Variants in ZNF18 observed in about 807,000 individuals in gnomAD.
ZNF18 encodes the protein zinc finger protein 18.
Under a neutral mutation model 58.1 loss-of-function variants are expected in ZNF18, and 42 were observed. The observed-to-expected ratio is 0.72, with a 90% CI of 0.56 to 0.93. The LOEUF (loss-of-function observed/expected upper bound fraction) is 0.93. Ranked by LOEUF, ZNF18 falls within the 40% of genes least tolerant of loss-of-function variation. The pLI, the probability that ZNF18 is intolerant of heterozygous loss-of-function variation, is 0.00. For synonymous variants in ZNF18, 231 were observed against 239.8 expected (o/e 0.96, Z 0.34); for missense variants, 540 against 644.2 (o/e 0.84, Z 1.75).
In ZNF18 at chr17:11,992,704, C is replaced by T; in HGVS notation, c.126G>A (p.Gln42=). 2.5e-6 allele frequency: 4 copies of T among 1,614,266 alleles called. No individual in the cohort carries two copies. Among genetic ancestry groups the T allele is most frequent in the Non-Finnish European group, 3.4e-6 (4 of 1,180,054 alleles). The change falls in exon 2 of 7, where the codon CAG becomes CAA. Residue 42 remains glutamine, a synonymous_variant. Coordinates refer to ENST00000580306, the MANE Select transcript of ZNF18 (RefSeq NM_001303281.2). ...CCTGGTAACGGAACTGCCTGAAAAG[C>T]TGGCGTGCGGTCTCAGGGCTGGAGA... ...EELSSPETAR[Q]LFRQFRYQVM...
At chr17:12,015,738 T>C in the ZNF18 span, among the ~76,000 whole-genome samples, 1 of 152,200 alleles carries the variant, frequency 6.6e-6, no homozygotes, top group African/African-American at 2.4e-5. Flanking sequence ...ATCAGCATTA[T>C]GTCCTGTTAA....
chr17:11,986,910 A>G (rs1967784009), intron 4 of ZNF18, among the ~76,000 whole-genome samples: 1 of 152,192 alleles, frequency 6.6e-6, no homozygotes, highest in Non-Finnish European at 1.5e-5. Context: ...TCACTCAAAA[A>G]CCAGAAAAGT....
At chr17:12,015,281 C>T in the ZNF18 span, among the ~76,000 whole-genome samples, 1 of 152,162 alleles carries the variant, frequency 6.6e-6, no homozygotes, top group Non-Finnish European at 1.5e-5. Context: ...TGTGGTCTCA[C>T]ATAAGACCAC....
chr17:12,006,748 G>A, the ZNF18 span, among the ~76,000 whole-genome samples: 1 of 152,060 alleles, frequency 6.6e-6, no homozygotes, highest in South Asian at 2.1e-4. Context: ...TCAAAAAAAA[G>A]AACTGAGCAA....
At chr17:12,007,874 A>G in the ZNF18 span, among the ~76,000 whole-genome samples, 1 of 152,184 alleles carries the variant, frequency 6.6e-6, no homozygotes, top group East Asian at 1.9e-4. Flanking sequence ...TGTCACTGCT[A>G]ATTAGCACAA....
rs943386461 is a variant in ZNF18, at chr17:11,977,864, G to C, written c.*93C>G. ...CCAAGAAAAAAGGAGATTAACAGGGGTATCCTCTTAGACACAATTCCTCTT... is the reference window on the plus strand; with the variant it reads ...CCAAGAAAAAAGGAGATTAACAGGGCTATCCTCTTAGACACAATTCCTCTT... On this transcript the variant is annotated 3_prime_UTR_variant, in exon 7 of 7. Transcript: ENST00000580306. 3 of 1,402,292 alleles carry C rather than the reference G, an allele frequency of 2.1e-6. No homozygotes were observed. The African/African-American group carries it at 4.3e-5, about 20-fold the overall frequency. 86.9% of individuals were successfully genotyped at this position (1,402,292 alleles called of 1,614,324 possible).
At chr17:12,016,131 C>T in the ZNF18 span, among the ~76,000 whole-genome samples, 1 of 152,096 alleles carries the variant, frequency 6.6e-6, no homozygotes, top group Non-Finnish European at 1.5e-5. Flanking sequence ...GTAAAATTTA[C>T]ATACAATGAA....
intron 2 of ZNF18, among the ~76,000 whole-genome samples, chr17:11,991,672 G>T (rs202204859): frequency 0.24 from 36,626 of 152,018 alleles, 4,508 homozygotes; most frequent in Non-Finnish European, 0.26. Context: ...GGTGAAAGAA[G>T]AGTCTTTGTT....
upstream of ZNF18, among the ~76,000 whole-genome samples, chr17:11,999,483 T>C (rs777686822): frequency 6.6e-5 from 10 of 152,198 alleles, no homozygotes; most frequent in Non-Finnish European, 1.3e-4. Flanking sequence ...AACACTTATT[T>C]CGAAACAGGC....
At chr17:11,998,055 T>TTC (rs145467794), upstream of ZNF18, among the ~76,000 whole-genome samples, 57,084 of 150,478 alleles carry the variant, frequency 0.38, 11,227 homozygotes, top group East Asian at 0.57. Flanking sequence ...TCTCTCTCTC[T>TTC]TCTCTCTCTC....
the ZNF18 span, among the ~76,000 whole-genome samples, chr17:12,012,471 C>T: frequency 3.9e-5 from 6 of 152,132 alleles, no homozygotes; most frequent in East Asian, 5.8e-4. Context: ...TAAGAATACA[C>T]GTCTAGAGGT....
At chr17:12,020,724 C>G in the ZNF18 span, 4 of 371,978 alleles carry the variant, frequency 1.1e-5, no homozygotes, top group Non-Finnish European at 1.9e-5. Flanking sequence ...GCATCTGGCC[C>G]GGGCTGCGCG....
intron 6 of ZNF18, 72 bp from the exon 7 acceptor site, chr17:11,978,816 G>T: frequency 3.1e-6 from 2 of 654,720 alleles, no homozygotes; most frequent in Non-Finnish European, 4.6e-6. Context: ...GTCAAAGAGA[G>T]GGTCATCATA....
the ZNF18 span, among the ~76,000 whole-genome samples, chr17:12,018,225 T>C: frequency 6.6e-6 from 1 of 152,276 alleles, no homozygotes; most frequent in Non-Finnish European, 1.5e-5. Flanking sequence ...CCAGTGATTA[T>C]GCCAGCTACC....
chr17:12,016,529 G>A, the ZNF18 span, among the ~76,000 whole-genome samples: 1 of 151,696 alleles, frequency 6.6e-6, no homozygotes, highest in East Asian at 2.0e-4. Flanking sequence ...GGGGTTTCGC[G>A]ATGTTGCCCA....
At chr17:12,001,974 TA>T (rs898648443), upstream of ZNF18, among the ~76,000 whole-genome samples, 3 of 151,198 alleles carry the variant, frequency 2.0e-5, no homozygotes, top group Non-Finnish European at 4.4e-5. Context: ...CGAAGAGGTT[TA>T]AAAAAAAGTA....
rs1222354275 is a variant in ZNF18 at position 11,990,612 on chromosome 17, C to T, written c.578-62G>A. ...TCTTCCTTAACCACTCCCCAGAGGG[C>T]GCAGATAACAATCTTCACAAATCAG... On this transcript the variant is annotated intron_variant, in intron 3 of 6. Coordinates refer to ENST00000580306, the MANE Select transcript of ZNF18 (RefSeq NM_001303281.2). 3.7e-5 allele frequency: 49 copies of T among 1,331,124 alleles called. No individual in the cohort carries two copies. In the East Asian group the frequency reaches 9.1e-4, roughly 25 times the overall value. 82.5% of individuals were successfully genotyped at this position (1,331,124 alleles called of 1,614,324 possible). A position where few individuals can be genotyped will look rare whatever the true frequency, so the allele number is the denominator to read the frequency against.
At chr17:12,012,047 T>A in the ZNF18 span, among the ~76,000 whole-genome samples, 2 of 152,188 alleles carry the variant, frequency 1.3e-5, no homozygotes, top group Non-Finnish European at 2.9e-5. Flanking sequence ...TTCATGACAT[T>A]TACAGTCCAT....
the ZNF18 span, chr17:12,011,121 T>A: frequency 1.5e-6 from 1 of 654,422 alleles, no homozygotes; most frequent in Non-Finnish European, 2.8e-6. Context: ...ATCACCTTTC[T>A]TCTAGATTCG....
Sources: gnomAD v4.1 joint callset for allele counts (sites outside exome capture counted in the v4.1 genomes callset) on GRCh38, gnomAD v4.1.1 for gene constraint, MANE v1.5 for transcripts, NCBI Gene and HGNC (gene_info 2026-07-23, HGNC 2026-07-21) for gene names.